The following SV2C variants were observed in gnomAD, a reference collection of about 807,000 sequenced individuals.
SV2C encodes the protein synaptic vesicle glycoprotein 2C.
A neutral mutation model predicts 79.7 loss-of-function variants in SV2C; 49 were observed. That is an observed-to-expected ratio of 0.61 (90% CI 0.49 to 0.78). The LOEUF is 0.78. Among genes scored for constraint, SV2C ranks in the 30% least tolerant of loss-of-function variants. The pLI is 0.00. For missense variants in SV2C, 833 were observed against 912.9 expected (o/e 0.91, Z 1.13); for synonymous variants, 334 against 333.2 (o/e 1.00, Z -0.03).
the SV2C span, chr5:75,910,826 G>A: frequency 7.7e-7 from 1 of 1,304,022 alleles, no homozygotes; most frequent in Non-Finnish European, 1.1e-6. Flanking sequence ...CAATTTGAGG[G>A]ATGTCTTCTA....
the SV2C span, among the ~76,000 whole-genome samples, chr5:76,002,255 G>A: frequency 1.3e-5 from 2 of 152,062 alleles, no homozygotes; most frequent in African/African-American, 2.4e-5. Context: ...TTGCAATTGT[G>A]AATTGTGTTG....
the SV2C span, among the ~76,000 whole-genome samples, chr5:75,970,544 A>C: frequency 6.6e-6 from 1 of 152,034 alleles, no homozygotes; most frequent in Non-Finnish European, 1.5e-5. Context: ...TACTATAAAC[A>C]CCTCTATGCA....
At chr5:76,281,309 A>G (rs771544582) in intron 4 of SV2C, 11 of 444,500 alleles carry the variant, frequency 2.5e-5, no homozygotes, top group African/African-American at 4.1e-5. Flanking sequence ...TAATGGAACG[A>G]TTCTAGGACG....
At chr5:76,049,523 G>T in the SV2C span, among the ~76,000 whole-genome samples, 1 of 152,278 alleles carries the variant, frequency 6.6e-6, no homozygotes, top group African/African-American at 2.4e-5. Flanking sequence ...GTGAATGATG[G>T]TTGGCAGGAT....
intron 12 of SV2C, among the ~76,000 whole-genome samples, chr5:76,312,723 T>A (rs1748491622): frequency 6.6e-6 from 1 of 152,212 alleles, no homozygotes; most frequent in African/African-American, 2.4e-5. Flanking sequence ...TTTCTCTGCC[T>A]ACCTTCTTCC....
At chr5:76,212,269 A>G (rs1425800491) in intron 4 of SV2C, among the ~76,000 whole-genome samples, 4 of 152,190 alleles carry the variant, frequency 2.6e-5, no homozygotes, top group Admixed American at 2.0e-4. Context: ...TGCAGAGTCC[A>G]GCTTTACCCA....
chr5:75,856,088 C>T, the SV2C span, among the ~76,000 whole-genome samples: 5 of 152,298 alleles, frequency 3.3e-5, no homozygotes, highest in Non-Finnish European at 5.9e-5. Context: ...ATAATGATCT[C>T]CAGTTCCATC....
chr5:76,284,183 T>G (rs946331043), intron 4 of SV2C, among the ~76,000 whole-genome samples: 15 of 152,216 alleles, frequency 9.9e-5, no homozygotes, highest in African/African-American at 3.6e-4. Context: ...TGGTTTGCTT[T>G]CAACCATTTT....
At chr5:76,053,188 A>G in the SV2C span, among the ~76,000 whole-genome samples, 1 of 151,680 alleles carries the variant, frequency 6.6e-6, no homozygotes, top group African/African-American at 2.4e-5. Context: ...ACAAGCATCC[A>G]TGCCTGAAGA....
At chr5:76,303,068 AACCCTGTAGGT>A (rs1748065310) in intron 12 of SV2C, among the ~76,000 whole-genome samples, 2 of 152,160 alleles carry the variant, frequency 1.3e-5, no homozygotes, top group Admixed American at 6.5e-5. Flanking sequence ...GAGCTTGCAG[AACCCTGTAGGT>A]ACCCCTCCAT....
chr5:76,005,719 G>A, the SV2C span, among the ~76,000 whole-genome samples: 2 of 152,186 alleles, frequency 1.3e-5, no homozygotes, highest in Non-Finnish European at 2.9e-5. Flanking sequence ...TGTACAAAAA[G>A]CATTAGCTGA....
the SV2C span, among the ~76,000 whole-genome samples, chr5:75,891,988 C>A: frequency 6.6e-6 from 1 of 152,042 alleles, no homozygotes; most frequent in Admixed American, 6.6e-5. Flanking sequence ...ATCTGATCAC[C>A]TGTTTCCTAT....
At chr5:75,906,826 C>T in the SV2C span, among the ~76,000 whole-genome samples, 4 of 152,116 alleles carry the variant, frequency 2.6e-5, no homozygotes, top group Non-Finnish European at 5.9e-5. Context: ...TTTTGCACCC[C>T]ACCCCCATGG....
At chr5:75,975,391 T>G in the SV2C span, among the ~76,000 whole-genome samples, 1 of 152,192 alleles carries the variant, frequency 6.6e-6, no homozygotes, top group Non-Finnish European at 1.5e-5. Context: ...TGGATATAAA[T>G]GACCACATCT....
At chr5:76,009,882 C>T in the SV2C span, among the ~76,000 whole-genome samples, 4 of 151,624 alleles carry the variant, frequency 2.6e-5, no homozygotes, top group African/African-American at 7.3e-5. Context: ...CAAACCTGAA[C>T]ATGTACCCCC....
At chr5:75,986,524 T>G in the SV2C span, among the ~76,000 whole-genome samples, 1 of 151,964 alleles carries the variant, frequency 6.6e-6, no homozygotes, top group African/African-American at 2.4e-5. Context: ...GACTTTTGCC[T>G]TCCAGAACGA....
the SV2C span, among the ~76,000 whole-genome samples, chr5:75,886,657 C>G: frequency 6.6e-6 from 1 of 152,122 alleles, no homozygotes. Context: ...ATATAACTGA[C>G]AGAGATGCCC....
chr5:76,041,495 C>G, the SV2C span, among the ~76,000 whole-genome samples: 1 of 152,134 alleles, frequency 6.6e-6, no homozygotes, highest in Non-Finnish European at 1.5e-5. Context: ...AAGAAGGACC[C>G]AGGTAGCAGG....
At chr5:75,908,550 TC>T in the SV2C span, among the ~76,000 whole-genome samples, 4 of 152,190 alleles carry the variant, frequency 2.6e-5, no homozygotes, top group Non-Finnish European at 5.9e-5. Context: ...GCCAAACCTG[TC>T]CCATGGTTGA....
Sources: gnomAD v4.1 joint callset for allele counts (sites outside exome capture counted in the v4.1 genomes callset) on GRCh38, gnomAD v4.1.1 for gene constraint, MANE v1.5 for transcripts, NCBI Gene and HGNC (gene_info 2026-07-23, HGNC 2026-07-21) for gene names.